PBLD: variants seen among roughly 807,000 people sequenced by gnomAD.
The protein encoded by PBLD is phenazine biosynthesis like protein domain containing.
Under a neutral mutation model 31.3 loss-of-function variants are expected in PBLD, and 26 were observed. The ratio of observed to expected loss-of-function variants is 0.83; its 90% CI spans 0.61 to 1.15. PBLD has a LOEUF of 1.15. Among genes scored for constraint, PBLD ranks in the 50% most tolerant of loss-of-function variants. PBLD has a pLI of 0.00. For missense variants in PBLD, 307 were observed against 351.7 expected, an observed-to-expected ratio of 0.87 and a Z score of 1.02; for synonymous variants, 114 against 129.0, an observed-to-expected ratio of 0.88 and a Z score of 0.79.
intron 1 of PBLD, among the ~76,000 whole-genome samples, chr10:68,312,764 C>A (rs1330356976): frequency 4.6e-3 from 2 of 432 alleles, no homozygotes; most frequent in Non-Finnish European, 0.025. Context: ...CGCCCGCCAC[C>A]ATGGCCTGGC....
intron 2 of PBLD, among the ~76,000 whole-genome samples, chr10:68,303,859 C>A (rs944735485): frequency 1.3e-5 from 2 of 151,898 alleles, no homozygotes; most frequent in African/African-American, 4.8e-5. Flanking sequence ...CACTTAAAAT[C>A]TGAGGTATTT....
chr10:68,319,109 A>AAG (rs2044791171), intron 1 of PBLD, among the ~76,000 whole-genome samples: 1 of 133,566 alleles, frequency 7.5e-6, no homozygotes, highest in African/African-American at 3.0e-5. Context: ...GAAAGAAAGA[A>AAG]AGGAAAAAGA....
intron 1 of PBLD, among the ~76,000 whole-genome samples, chr10:68,310,525 A>G (rs531178541): frequency 6.7e-6 from 1 of 149,804 alleles, no homozygotes; most frequent in African/African-American, 2.5e-5. Context: ...TCATGATGCT[A>G]TACAATAGAT....
Position 68,292,150 on chromosome 10 carries a change from A to C in PBLD, c.372T>G (p.Pro124=). The C allele has an allele frequency of 6.2e-7, 1 of 1,613,900 alleles. No individual in the cohort carries two copies. Among genetic ancestry groups the C allele is most frequent in the Non-Finnish European group, 8.5e-7 (1 of 1,179,876 alleles). Residue 124 remains proline (P), a synonymous_variant, in exon 5 of 10, where the codon CCT becomes CCG. Transcript: ENST00000358769. ...TGACCTGGGGGTGGGCTGGATAAAG[A>C]GGCAAGTCCAGGACGATGCCATCCT... ...RAEDGIVLDL[P]LYPAHPQDFH...
At chr10:68,288,324 A>C (rs997783804) in intron 8 of PBLD, 159 bp downstream of exon 8, 1 of 747,304 alleles carries the variant, frequency 1.3e-6, no homozygotes, top group Non-Finnish European at 2.1e-6. Context: ...TTTTCATGGA[A>C]GACTTCAGTG....
At chr10:68,307,311 T>A (rs2044594922) in intron 1 of PBLD, among the ~76,000 whole-genome samples, 1 of 152,200 alleles carries the variant, frequency 6.6e-6, no homozygotes, top group South Asian at 2.1e-4. Flanking sequence ...ATTATAGGCA[T>A]GAGCCACTGT....
intron 2 of PBLD, 96 bp downstream of exon 2, chr10:68,306,665 G>C (rs2044583036): frequency 1.7e-6 from 2 of 1,142,854 alleles, no homozygotes; most frequent in Admixed American, 2.0e-5. Flanking sequence ...AAACCAAAGA[G>C]GTAAACAAAC....
chr10:68,327,610 G>A (rs2044943806), intron 1 of PBLD, among the ~76,000 whole-genome samples: 1 of 144,920 alleles, frequency 6.9e-6, no homozygotes. Context: ...GGAGCCAGAG[G>A]TTGCAGGGAA....
intron 8 of PBLD, chr10:68,288,274 C>T (rs1179295352): frequency 5.4e-6 from 3 of 558,526 alleles, no homozygotes; most frequent in Non-Finnish European, 9.2e-6. Flanking sequence ...CTGTCTGACA[C>T]TCAGGTTTAA....
chr10:68,312,267 T>C lies in PBLD; in HGVS notation c.-59-5364A>G, dbSNP rs74935343. On this transcript the variant is annotated intron_variant, in intron 1 of 9. Coordinates refer to ENST00000358769, the MANE Select transcript of PBLD (RefSeq NM_022129.4). ...TTTTTGAGGCATCTCCATTCTGTTT[T>C]CTGTAATGGCTATACTAATTTACAT... Among the ~76,000 whole-genome samples, 602 of 152,352 alleles carry C rather than the reference T, an allele frequency of 4.0e-3. 4 individuals are homozygous for C. Among genetic ancestry groups the C allele is most frequent in the African/African-American group, 0.014 (567 of 41,574 alleles).
At chr10:68,331,665 GT>G (rs1165136037) in intron 1 of PBLD, 4 of 152,284 alleles carry the variant, frequency 2.6e-5, no homozygotes, top group African/African-American at 7.2e-5. Flanking sequence ...TTTCCGCGCC[GT>G]CGATGCCTAG....
intron 2 of PBLD, among the ~76,000 whole-genome samples, chr10:68,298,744 A>T (rs192697594): frequency 8.5e-6 from 1 of 117,394 alleles, no homozygotes; most frequent in East Asian, 2.4e-4. Context: ...GAAGATATAT[A>T]CATGCATACG....
In PBLD at chr10:68,283,690, A is replaced by T. The variant is rs536766798; in HGVS notation, c.*487T>A. On this transcript the variant is annotated 3_prime_UTR_variant, in exon 10 of 10. Transcript: ENST00000358769. ...AGTGGAGCCAAAACTCCATTAGTTC[A>T]TTAGTCTGGAAGCACTATTAAATCT... 1.3e-5 allele frequency: 2 copies of T among 153,966 alleles called. No individual in the cohort carries two copies. Among genetic ancestry groups the T allele is most frequent in the South Asian group, 2.0e-4 (1 of 4,938 alleles). The allele number at this position is 153,966 out of a possible 1,614,324, so 9.5% of individuals were successfully genotyped here. A position where few individuals can be genotyped will look rare whatever the true frequency, so the allele number is the denominator to read the frequency against.
intron 1 of PBLD, among the ~76,000 whole-genome samples, chr10:68,321,073 C>T (rs543809415): frequency 6.6e-6 from 1 of 152,076 alleles, no homozygotes; most frequent in South Asian, 2.1e-4. Flanking sequence ...CCACCCACCT[C>T]GGCCTCCCAA....
At chr10:68,302,669 C>T (rs905264013) in intron 2 of PBLD, among the ~76,000 whole-genome samples, 31 of 151,994 alleles carry the variant, frequency 2.0e-4, no homozygotes, top group African/African-American at 7.0e-4. Context: ...ATAGCAAGAC[C>T]CTGTCTCTAC....
chr10:68,301,794 T>C (rs2134461732), intron 2 of PBLD, among the ~76,000 whole-genome samples: 1 of 152,324 alleles, frequency 6.6e-6, no homozygotes, highest in South Asian at 2.1e-4. Flanking sequence ...TTTCACACAT[T>C]AGCTAGGACG....
intron 1 of PBLD, among the ~76,000 whole-genome samples, chr10:68,319,079 G>GAAAGAA (rs1554860602): frequency 8.2e-6 from 1 of 122,420 alleles, no homozygotes; most frequent in East Asian, 2.7e-4. Flanking sequence ...AAGAAAGAAA[G>GAAAGAA]AAAGAAAGAA....
chr10:68,332,763 C>G (rs538390762), intron 1 of PBLD, 21 bp downstream of exon 1: 1 of 152,414 alleles, frequency 6.6e-6, no homozygotes, highest in African/African-American at 2.4e-5. Context: ...CTCCCTTCCT[C>G]CGCAGTCTCG....
At chr10:68,319,706 C>G (rs910873315) in intron 1 of PBLD, among the ~76,000 whole-genome samples, 1 of 151,828 alleles carries the variant, frequency 6.6e-6, no homozygotes, top group Non-Finnish European at 1.5e-5. Context: ...GGGCGACAGA[C>G]AAAGACTCCA....
Sources: gnomAD v4.1 joint callset for allele counts (sites outside exome capture counted in the v4.1 genomes callset) on GRCh38, gnomAD v4.1.1 for gene constraint, MANE v1.5 for transcripts, NCBI Gene and HGNC (gene_info 2026-07-23, HGNC 2026-07-21) for gene names.